Variants in FBXO24 observed in about 807,000 individuals in gnomAD.
FBXO24 encodes F-box only protein 24.
A neutral mutation model predicts 63.5 loss-of-function variants in FBXO24; 30 were observed. The ratio of observed to expected loss-of-function variants is 0.47; its 90% CI spans 0.35 to 0.64. The LOEUF is 0.64. Among genes scored for constraint, FBXO24 ranks in the 30% least tolerant of loss-of-function variants. The pLI, the probability that FBXO24 is intolerant of heterozygous loss-of-function variation, is 0.00. For missense variants in FBXO24, 624 were observed against 763.4 expected, an observed-to-expected ratio of 0.82 and a Z score of 2.15; for synonymous variants, 300 against 305.0, an observed-to-expected ratio of 0.98 and a Z score of 0.17.
At position 100,586,758 on chromosome 7, in the gene FBXO24, T is replaced by TGGACGTGTTAGGGGGCTAGCC. The variant is rs770827533; in HGVS notation, c.39+97_39+117dup. On this transcript the variant is annotated intron_variant, in intron 1 of 9. Coordinates refer to ENST00000241071, the MANE Select transcript of FBXO24 (RefSeq NM_033506.3). ...CGCCGCTGCAGTGGCGAGTGCGAGC[T>TGGACGTGTTAGGGGGCTAGCC]GGACGTGTTAGGGGGCTAGCCGGCG... 4 of 1,419,360 alleles carry TGGACGTGTTAGGGGGCTAGCC rather than the reference T, an allele frequency of 2.8e-6. No individual in the cohort carries two copies. In the South Asian group the frequency reaches 4.6e-5, roughly 16 times the overall value. The allele number at this position is 1,419,360 out of a possible 1,614,324, so 87.9% of individuals were successfully genotyped here.
intron 4 of FBXO24, 79 bp downstream of exon 4, chr7:100,591,981 C>A: frequency 1.4e-6 from 2 of 1,431,106 alleles, no homozygotes; most frequent in Non-Finnish European, 2.0e-6. Flanking sequence ...GTACCAGAGG[C>A]CGGGTGCAGT....
At chr7:100,590,148 C>T (rs761656151) in intron 2 of FBXO24, 26 bp from the exon 3 acceptor site, 5 of 1,610,022 alleles carry the variant, frequency 3.1e-6, no homozygotes, top group Non-Finnish European at 4.2e-6. Context: ...CCAAAGACTC[C>T]CCGCTTCTTC....
At chr7:100,586,694 G>T (rs1801771288) in intron 1 of FBXO24, 30 bp downstream of exon 1, 2 of 1,613,684 alleles carry the variant, frequency 1.2e-6, no homozygotes, top group African/African-American at 2.7e-5. Flanking sequence ...CTGAGGTTAA[G>T]AATGAACGCG....
chr7:100,600,105 G>A lies in FBXO24; in HGVS notation c.1281G>A (p.Glu427=). The change falls in exon 9 of 10, where the codon GAG becomes GAA. Residue 427 remains glutamate (E), a synonymous_variant. Transcript: ENST00000241071. This position sits in a 1 kb window ranked among gnomAD's most constrained non-coding sequence, Gnocchi z 6.3. The stretch of plus-strand genomic sequence containing the variant: ...CCCTGGTGCTGAGCCAGAGCTCAGA[G>A]TTCAGCAAGGAGCTGCTGGGCTGCG... ...NHSLVLSQSS[E]FSKELLGCGC... is the part of the protein sequence containing the mutation. 6.8e-6 allele frequency: 11 copies of A among 1,609,162 alleles called. No homozygotes were observed. The highest frequency in any genetic ancestry group is 7.6e-6 in the Non-Finnish European group (9 of 1,178,530).
At position 100,591,809 on chromosome 7, in the gene FBXO24, C is replaced by T; in HGVS notation, c.465C>T (p.Leu155=). ...HVFILDYVGT[L]FFLKNALVST... ...TCATTCTTGACTACGTGGGGACCCT[C>T]TTCTTCCTCAAAAATGCCCTGGTCT... is the stretch of plus-strand genomic sequence containing the variant. The change falls in exon 4 of 10, where the codon CTC becomes CTT. Residue 155 remains leucine (L), a synonymous_variant. Transcript: ENST00000241071. The T allele has an allele frequency of 1.2e-6, 2 of 1,614,262 alleles. No homozygotes were observed. The highest frequency in any genetic ancestry group is 8.5e-7 in the Non-Finnish European group (1 of 1,180,050).
In FBXO24 at chr7:100,586,399, A is replaced by G. The variant is rs576605796; in HGVS notation, c.-227A>G. The G allele has an allele frequency of 4.7e-6, 3 of 635,416 alleles. No individual in the cohort carries two copies. In the South Asian group the frequency reaches 5.7e-5, roughly 12 times the overall value. 39.4% of individuals were successfully genotyped at this position (635,416 alleles called of 1,614,324 possible). The stretch of plus-strand genomic sequence containing the variant: ...AGCTGCACCCAATCACAATGCTCAG[A>G]TCGGGAGGTGGAGCCAATCAGGTCC... On this transcript the variant is annotated 5_prime_UTR_variant, in exon 1 of 10. Transcript: ENST00000241071.
At position 100,592,854 on chromosome 7, in the gene FBXO24, G is replaced by A. The variant is rs1456209059; in HGVS notation, c.630G>A (p.Gln210=). Residue 210 remains glutamine, a synonymous_variant, in exon 5 of 10, where the codon CAG becomes CAA. Transcript: ENST00000241071. ...ACGTCTTGGCCACTCGGGAGCCGCA[G>A]GAAGTGGTGGGTACCACCAGCAGCC... ...YLYVLATREP[Q]EVVGTTSSRA... is the part of the protein sequence containing the mutation. 6.2e-7 allele frequency: 1 copy of A among 1,614,062 alleles called. No individual in the cohort carries two copies. The highest frequency in any genetic ancestry group is 8.5e-7 in the Non-Finnish European group (1 of 1,180,048).
intron 4 of FBXO24, chr7:100,592,417 A>G (rs1007066561): frequency 3.5e-5 from 10 of 288,702 alleles, no homozygotes; most frequent in Non-Finnish European, 6.0e-5. Flanking sequence ...GCACACAAGC[A>G]AGAGCAGGGA....
chr7:100,590,121 A>G (rs1448488392), intron 2 of FBXO24, 46 bp downstream of exon 2: 1 of 1,607,334 alleles, frequency 6.2e-7, no homozygotes, highest in African/African-American at 1.3e-5. Context: ...ATTGGGGGCC[A>G]GATCACCGAG....
In FBXO24 at chr7:100,590,024, G is replaced by C. The variant is rs1335577842; in HGVS notation, c.87G>C (p.Glu29Asp). The change falls in exon 2 of 10, where the codon GAG (glutamate) becomes GAC (aspartate). Residue 29 changes from glutamate (E) to aspartate (D), a missense_variant. Transcript: ENST00000241071. ...GTGGCTCGGAGCTTGGGGTTGAAGA[G>C]AAGAGGGGGAAAGGAAATCCGATTT... Reference protein sequence around the residue: ...PSCGSELGVEEKRGKGNPISI... With the variant: ...PSCGSELGVEDKRGKGNPISI... 3.7e-6 allele frequency: 6 copies of C among 1,613,656 alleles called. No homozygotes were observed. Among genetic ancestry groups the C allele is most frequent in the Non-Finnish European group, 5.1e-6 (6 of 1,179,910 alleles).
At chr7:100,589,608 G>A (rs1488424054) in intron 1 of FBXO24, 3 of 1,452,768 alleles carry the variant, frequency 2.1e-6, no homozygotes, top group Admixed American at 2.8e-5. Context: ...AGGCAGAGGG[G>A]CCTCAGAGGT....
chr7:100,591,627 A>C, intron 3 of FBXO24, 40 bp from the exon 4 acceptor site: 1 of 1,589,826 alleles, frequency 6.3e-7, no homozygotes, highest in Non-Finnish European at 8.6e-7. Flanking sequence ...CCCTCGTGTC[A>C]TCTCATCCCT....
At position 100,595,825 on chromosome 7, in the gene FBXO24, GC is replaced by G. The variant is rs1434398468; in HGVS notation, c.1206+121del. On this transcript the variant is annotated intron_variant, in intron 8 of 9. Transcript: ENST00000241071. ...AATTTCTGTTCCTTTGGGAAGTTAA[GC>G]CACTCAGTATGTAATGCCAGTGGTA... The G allele has an allele frequency of 2.9e-6, 4 of 1,401,896 alleles. No individual in the cohort carries two copies. The Admixed American group carries it at 7.1e-5, about 25-fold the overall frequency. The allele number at this position is 1,401,896 out of a possible 1,614,324, so 86.8% of individuals were successfully genotyped here.
intron 3 of FBXO24, among the ~76,000 whole-genome samples, chr7:100,591,008 T>C (rs186315174): frequency 7.4e-4 from 112 of 151,640 alleles, no homozygotes; most frequent in African/African-American, 2.7e-3. Flanking sequence ...TTCTGTCTCT[T>C]CTCTTTTCTT....
chr7:100,597,962 C>T (rs952569702), intron 8 of FBXO24, among the ~76,000 whole-genome samples: 1 of 147,648 alleles, frequency 6.8e-6, no homozygotes, highest in Non-Finnish European at 1.5e-5. Flanking sequence ...TGGCTTTAAG[C>T]AATCCTCCCA....
At chr7:100,598,025 C>T (rs901883377) in intron 8 of FBXO24, among the ~76,000 whole-genome samples, 1 of 151,712 alleles carries the variant, frequency 6.6e-6, no homozygotes, top group African/African-American at 2.4e-5. Context: ...ACACCTGGCC[C>T]CATCCCATTT....
intron 8 of FBXO24, among the ~76,000 whole-genome samples, chr7:100,598,766 C>G (rs1298858613): frequency 1.3e-5 from 2 of 152,140 alleles, no homozygotes; most frequent in Admixed American, 6.5e-5. Context: ...TGCCTGAGCC[C>G]AGGAGTTCGG....
intron 1 of FBXO24, chr7:100,589,564 G>C: frequency 5.6e-6 from 8 of 1,422,524 alleles, no homozygotes; most frequent in African/African-American, 1.4e-5. Flanking sequence ...AGAGAGGTTT[G>C]TTAGCCCCAG....
rs1289064433 is a variant in FBXO24 at position 100,595,072 on chromosome 7, C to G, written c.953-30C>G. On this transcript the variant is annotated intron_variant, in intron 6 of 9. Transcript: ENST00000241071. ...ATCCCTAGGAAATGGGTGCCCAAAGCTGCTGAGCTGAGGGCTCCTGACCCC... is the reference window on the plus strand; with the variant it reads ...ATCCCTAGGAAATGGGTGCCCAAAGGTGCTGAGCTGAGGGCTCCTGACCCC... The G allele has an allele frequency of 3.1e-6, 5 of 1,612,808 alleles. No individual in the cohort carries two copies. In the African/African-American group the frequency reaches 6.7e-5, roughly 22 times the overall value.
Sources: gnomAD v4.1 joint callset for allele counts (sites outside exome capture counted in the v4.1 genomes callset) on GRCh38, gnomAD v4.1.1 for gene constraint, Gnocchi (gnomAD v3.1) non-coding constraint, MANE v1.5 for transcripts, NCBI Gene and HGNC (gene_info 2026-07-23, HGNC 2026-07-21) for gene names.